Variants in CNTNAP2 observed in about 807,000 individuals in gnomAD.
The protein encoded by CNTNAP2 is contactin associated protein 2.
A neutral mutation model predicts 155.2 loss-of-function variants in CNTNAP2; 98 were observed. That is an observed-to-expected ratio of 0.63 (90% CI 0.54 to 0.75). The LOEUF is 0.75. Among genes scored for constraint, CNTNAP2 ranks in the 30% least tolerant of loss-of-function variants. CNTNAP2 has a pLI of 0.00. For synonymous variants in CNTNAP2, 651 were observed against 631.2 expected (o/e 1.03, Z -0.47); for missense variants, 1,727 against 1,688.1 (o/e 1.02, Z -0.40).
In CNTNAP2 at chr7:147,731,758, A is replaced by G. The variant is rs73741900; in HGVS notation, c.2098+92452A>G. Among the ~76,000 whole-genome samples, 154 of 152,234 alleles carry G rather than the reference A, an allele frequency of 1.0e-3. 1 individual carries two copies. Among genetic ancestry groups the G allele is most frequent in the African/African-American group, 3.5e-3 (147 of 41,558 alleles). On this transcript the variant is annotated intron_variant, in intron 13 of 23. Coordinates refer to ENST00000361727, the MANE Select transcript of CNTNAP2 (RefSeq NM_014141.6). The stretch of plus-strand genomic sequence containing the variant: ...ATAAATTTTGAAACTACTGGAAAGG[A>G]CCCACCATTTTAGATGTCATTAAGA...
chr7:147,529,810 T>C (rs533429928), intron 11 of CNTNAP2, among the ~76,000 whole-genome samples: 3 of 152,196 alleles, frequency 2.0e-5, no homozygotes, highest in African/African-American at 7.2e-5. Context: ...GATAAAAAGA[T>C]TTTTTTCTGA....
At chr7:147,552,320 T>G (rs994871273) in intron 11 of CNTNAP2, among the ~76,000 whole-genome samples, 2 of 152,206 alleles carry the variant, frequency 1.3e-5, no homozygotes, top group African/African-American at 4.8e-5. Context: ...TATTTAACAA[T>G]TAAAAATCAG....
chr7:147,462,194 A>G (rs1328230980), intron 10 of CNTNAP2, among the ~76,000 whole-genome samples: 1 of 152,172 alleles, frequency 6.6e-6, no homozygotes, highest in Non-Finnish European at 1.5e-5. Flanking sequence ...TCACCACCAT[A>G]GATAGCATCA....
At chr7:148,023,353 G>A (rs907956617) in intron 15 of CNTNAP2, among the ~76,000 whole-genome samples, 8 of 152,162 alleles carry the variant, frequency 5.3e-5, no homozygotes, top group East Asian at 1.9e-4. Flanking sequence ...CATGTGTGCC[G>A]GAGTGATTAA....
chr7:146,857,244 A>C (rs1011582127), intron 3 of CNTNAP2, among the ~76,000 whole-genome samples: 1 of 152,052 alleles, frequency 6.6e-6, no homozygotes, highest in Non-Finnish European at 1.5e-5. Context: ...AGAATGATAA[A>C]CCACATAGCA....
At chr7:147,236,275 T>G (rs1803801321) in intron 8 of CNTNAP2, among the ~76,000 whole-genome samples, 2 of 152,242 alleles carry the variant, frequency 1.3e-5, no homozygotes, top group Admixed American at 6.5e-5. Flanking sequence ...ATACGCTGTG[T>G]GGGCTGCCCC....
intron 3 of CNTNAP2, among the ~76,000 whole-genome samples, chr7:146,914,643 A>G (rs1450916538): frequency 6.6e-6 from 1 of 150,770 alleles, no homozygotes; most frequent in Non-Finnish European, 1.5e-5. Context: ...TTTTGGTGGG[A>G]TTGTTTTTTT....
At chr7:148,166,333 C>T (rs555128878) in intron 17 of CNTNAP2, among the ~76,000 whole-genome samples, 6 of 152,092 alleles carry the variant, frequency 3.9e-5, no homozygotes, top group South Asian at 4.2e-4. Context: ...TCATAGTAGG[C>T]GTGAAATAAA....
intron 8 of CNTNAP2, among the ~76,000 whole-genome samples, chr7:147,274,672 GT>G (rs1804853677): frequency 6.6e-6 from 1 of 151,918 alleles, no homozygotes; most frequent in Non-Finnish European, 1.5e-5. Flanking sequence ...AAACTTTTTA[GT>G]TTAATTGCAT....
At chr7:148,239,746 C>T (rs1481187595) in intron 20 of CNTNAP2, among the ~76,000 whole-genome samples, 2 of 152,166 alleles carry the variant, frequency 1.3e-5, no homozygotes, top group African/African-American at 2.4e-5. Flanking sequence ...TTCAAACCAG[C>T]TTGAAGTTTT....
chr7:147,273,853 T>C (rs1804824705), intron 8 of CNTNAP2, among the ~76,000 whole-genome samples: 1 of 147,652 alleles, frequency 6.8e-6, no homozygotes, highest in African/African-American at 2.5e-5. Flanking sequence ...TAAACATATA[T>C]AAATATATAT....
intron 14 of CNTNAP2, among the ~76,000 whole-genome samples, chr7:147,931,701 T>C (rs1052500951): frequency 2.6e-5 from 4 of 152,136 alleles, no homozygotes; most frequent in Admixed American, 6.5e-5. Context: ...AAGACTTGTA[T>C]GCTGAAAACT....
intron 1 of CNTNAP2, among the ~76,000 whole-genome samples, chr7:146,407,750 G>A (rs752898654): frequency 1.4e-4 from 21 of 151,852 alleles, no homozygotes; most frequent in African/African-American, 2.7e-4. Context: ...TGAACTGCAC[G>A]GTTCACTGTA....
At chr7:148,057,772 A>T (rs1348079869) in intron 15 of CNTNAP2, among the ~76,000 whole-genome samples, 2 of 152,072 alleles carry the variant, frequency 1.3e-5, no homozygotes, top group Non-Finnish European at 2.9e-5. Flanking sequence ...CAAGCATGGG[A>T]TTTAGAGTTA....
At chr7:147,190,612 G>T (rs529429714) in intron 8 of CNTNAP2, among the ~76,000 whole-genome samples, 25 of 152,268 alleles carry the variant, frequency 1.6e-4, no homozygotes, top group African/African-American at 5.8e-4. Flanking sequence ...TGGCTTGAGG[G>T]CTGGATATAC....
At chr7:147,882,065 G>A (rs925725706) in intron 13 of CNTNAP2, among the ~76,000 whole-genome samples, 7 of 151,760 alleles carry the variant, frequency 4.6e-5, no homozygotes, top group African/African-American at 1.7e-4. Context: ...TGTGAATAAT[G>A]TTGTTACAAT....
At chr7:148,414,839 C>T (rs1375766002) in intron 23 of CNTNAP2, 1 of 163,736 alleles carries the variant, frequency 6.1e-6, no homozygotes, top group African/African-American at 2.4e-5. Context: ...TAAACATCTC[C>T]CAGCCCTCCG....
intron 3 of CNTNAP2, among the ~76,000 whole-genome samples, chr7:147,027,926 G>A (rs999596525): frequency 6.6e-6 from 1 of 152,118 alleles, no homozygotes; most frequent in African/African-American, 2.4e-5. Flanking sequence ...ATGATAAAAA[G>A]GCATTTTGTT....
chr7:146,625,040 G>C (rs1255369299), intron 1 of CNTNAP2, among the ~76,000 whole-genome samples: 1 of 151,812 alleles, frequency 6.6e-6, no homozygotes, highest in East Asian at 1.9e-4. Context: ...CAAGTATCTG[G>C]GTCTTGCCAA....
Sources: allele counts gnomAD v4.1 joint callset (sites outside exome capture counted in the v4.1 genomes callset), GRCh38; gene constraint gnomAD v4.1.1; transcripts MANE v1.5; gene names NCBI Gene and HGNC (gene_info 2026-07-23, HGNC 2026-07-21).